KIAA1671: variants seen among roughly 807,000 people sequenced by gnomAD.
KIAA1671 encodes the protein KIAA1671, also known as uncharacterized protein KIAA1671.
A neutral mutation model predicts 131.2 loss-of-function variants in KIAA1671; 52 were observed. The observed-to-expected ratio is 0.40, with a 90% CI of 0.32 to 0.50. KIAA1671 has a LOEUF of 0.50. Ranked by LOEUF, KIAA1671 falls within the 20% of genes least tolerant of loss-of-function variation. The pLI, the probability that KIAA1671 is intolerant of heterozygous loss-of-function variation, is 0.73. For missense variants in KIAA1671, 2,360 were observed against 2,364.2 expected (o/e 1.00, Z 0.04); for synonymous variants, 1,003 against 961.6 (o/e 1.04, Z -0.80).
chr22:24,957,105 G>T (rs1921753132), intron 1 of KIAA1671, among the ~76,000 whole-genome samples: 1 of 152,142 alleles, frequency 6.6e-6, no homozygotes, highest in Non-Finnish European at 1.5e-5. Context: ...TGCTCTGTAA[G>T]GGGTGGTATG....
At chr22:25,056,813 A>G (rs1458363147) in intron 6 of KIAA1671, 2 of 127,744 alleles carry the variant, frequency 1.6e-5, no homozygotes, top group Non-Finnish European at 3.4e-5. Context: ...CTCTGTCTCA[A>G]AAAAAAAAAA....
intron 6 of KIAA1671, among the ~76,000 whole-genome samples, chr22:25,141,228 G>GTTTTTGT (rs1291667094): frequency 9.1e-4 from 139 of 152,074 alleles, no homozygotes; most frequent in African/African-American, 2.9e-3. Flanking sequence ...GCATGTTTTT[G>GTTTTTGT]TTTTTGTTTT....
At chr22:25,080,931 G>C (rs1929370355) in intron 6 of KIAA1671, among the ~76,000 whole-genome samples, 1 of 152,224 alleles carries the variant, frequency 6.6e-6, no homozygotes, top group Non-Finnish European at 1.5e-5. Context: ...GCTTTGTCCT[G>C]AGAGGCTGAA....
intron 6 of KIAA1671, among the ~76,000 whole-genome samples, chr22:25,110,747 C>T (rs755810200): frequency 2.0e-5 from 3 of 152,176 alleles, no homozygotes; most frequent in Non-Finnish European, 2.9e-5. Flanking sequence ...AGTCGTACCC[C>T]CAACCCCTAG....
rs1187005267 is a variant in KIAA1671 at position 25,170,812 on chromosome 22, C to T, written c.4531-8C>T. On this transcript the variant is annotated splice_region_variant and splice_polypyrimidine_tract_variant and intron_variant, in intron 6 of 12. Transcript: ENST00000358431. ...GGTAGAAATCTCACATCTGGCTTGT[C>T]TTTGCAGGACCAGCTGAAGCAGTGT... is the stretch of plus-strand genomic sequence containing the variant. 6.4e-7 allele frequency: 1 copy of T among 1,551,442 alleles called. No homozygotes were observed. Among genetic ancestry groups the T allele is most frequent in the Non-Finnish European group, 8.7e-7 (1 of 1,146,770 alleles).
At position 25,038,998 on chromosome 22, in the gene KIAA1671, C is replaced by T; in HGVS notation, c.1868C>T (p.Thr623Ile). 6.4e-7 allele frequency: 1 copy of T among 1,551,770 alleles called. No individual in the cohort carries two copies. Among genetic ancestry groups the T allele is most frequent in the Non-Finnish European group, 8.7e-7 (1 of 1,147,034 alleles). ...TVFEHHVERH[T>I]VADQSGRCLS... is the part of the protein sequence containing the mutation. ...TTTGAGCACCACGTGGAGAGACACA[C>T]AGTGGCTGACCAGTCGGGACGTTGT... Residue 623 changes from threonine (T) to isoleucine (I), a missense_variant, in exon 5 of 13, where the codon ACA (threonine) becomes ATA (isoleucine). Transcript: ENST00000358431.
At chr22:25,153,247 G>C (rs897744598) in intron 6 of KIAA1671, among the ~76,000 whole-genome samples, 8 of 152,142 alleles carry the variant, frequency 5.3e-5, no homozygotes, top group African/African-American at 1.9e-4. Context: ...CCCCGCTTGG[G>C]GATAATACCA....
In KIAA1671 at chr22:25,040,225, A is replaced by T. The variant is rs1055663972; in HGVS notation, c.3095A>T (p.Tyr1032Phe). 4 of 1,551,750 alleles carry T rather than the reference A, an allele frequency of 2.6e-6. No individual in the cohort carries two copies. The highest frequency in any genetic ancestry group is 2.7e-5 in the African/African-American group (2 of 73,172). Residue 1032 changes from tyrosine to phenylalanine, a missense_variant, in exon 5 of 13, where the codon TAT becomes TTT. This residue lies in a region of KIAA1671 where 1,161 missense variants were observed against 1,204.7 expected (regional missense o/e 0.96). Coordinates refer to ENST00000358431, the MANE Select transcript of KIAA1671 (RefSeq NM_001145206.2). The stretch of plus-strand genomic sequence containing the variant: ...AAGGCGACATTTTTTGCAGTCACCT[A>T]TCAGATTCCCAATACTCAAAAGGCA... ...EPKATFFAVT[Y>F]QIPNTQKAKG...
rs373220782 is a variant in KIAA1671 at position 25,105,249 on chromosome 22, T to C, written c.4530+55885T>C. 2.6e-5 allele frequency among the ~76,000 whole-genome samples: 4 copies of C among 152,186 alleles called. No homozygotes were observed. In the East Asian group the frequency reaches 5.8e-4, roughly 22 times the overall value. On this transcript the variant is annotated intron_variant, in intron 6 of 12. Coordinates refer to ENST00000358431, the MANE Select transcript of KIAA1671 (RefSeq NM_001145206.2). ...GTTGGCCATGCTGGTCTCAAACTCC[T>C]GACCTCAGAGAATCTACCCACCTGA...
chr22:25,132,532 T>G (rs1932490346), intron 6 of KIAA1671, among the ~76,000 whole-genome samples: 1 of 152,200 alleles, frequency 6.6e-6, no homozygotes, highest in Non-Finnish European at 1.5e-5. Flanking sequence ...TGTAATGTGT[T>G]TCAGGAGTCT....
At chr22:25,047,732 C>T (rs901554697) in intron 5 of KIAA1671, among the ~76,000 whole-genome samples, 17 of 152,308 alleles carry the variant, frequency 1.1e-4, no homozygotes, top group Middle Eastern at 3.4e-3. Flanking sequence ...GTCGGCCTCC[C>T]GAAGTGGTGG....
At chr22:25,093,797 TC>T (rs1930221624) in intron 6 of KIAA1671, among the ~76,000 whole-genome samples, 1 of 143,292 alleles carries the variant, frequency 7.0e-6, no homozygotes, top group African/African-American at 2.6e-5. Flanking sequence ...TCTCTCTCTC[TC>T]TCTCTCTCTC....
chr22:24,959,983 C>T (rs1008037379), intron 1 of KIAA1671, among the ~76,000 whole-genome samples: 7 of 151,624 alleles, frequency 4.6e-5, no homozygotes, highest in Non-Finnish European at 7.4e-5. Flanking sequence ...ACTAAAAATA[C>T]AAAAATTAGC....
intron 1 of KIAA1671, among the ~76,000 whole-genome samples, chr22:25,005,474 G>C (rs1043530601): frequency 1.3e-5 from 2 of 152,152 alleles, no homozygotes; most frequent in Non-Finnish European, 2.9e-5. Flanking sequence ...ATGGATTTGG[G>C]GGTTGAGGGG....
At chr22:24,974,969 C>T (rs1156856374) in intron 1 of KIAA1671, among the ~76,000 whole-genome samples, 2 of 152,094 alleles carry the variant, frequency 1.3e-5, no homozygotes, top group Non-Finnish European at 2.9e-5. Context: ...GCTGGGATTA[C>T]AGGCGTGAGC....
At chr22:25,058,847 G>A (rs931582563) in intron 6 of KIAA1671, 1 of 152,262 alleles carries the variant, frequency 6.6e-6, no homozygotes, top group African/African-American at 2.4e-5. Flanking sequence ...GGGCTGGGAT[G>A]ACTCGAAGGC....
chr22:25,123,522 C>T (rs556263416), intron 6 of KIAA1671, among the ~76,000 whole-genome samples: 1 of 152,146 alleles, frequency 6.6e-6, no homozygotes, highest in African/African-American at 2.4e-5. Flanking sequence ...ACTGCAGCTT[C>T]CCTCTTGATC....
chr22:25,074,660 GTC>G (rs1377923821), intron 6 of KIAA1671, among the ~76,000 whole-genome samples: 3 of 151,926 alleles, frequency 2.0e-5, no homozygotes, highest in East Asian at 3.9e-4. Context: ...AAGAAGAAAA[GTC>G]TCTGATAATC....
intron 6 of KIAA1671, among the ~76,000 whole-genome samples, chr22:25,127,531 C>A (rs1340210373): frequency 6.6e-6 from 1 of 152,190 alleles, no homozygotes; most frequent in East Asian, 1.9e-4. Context: ...CACTTGGCTT[C>A]CCTGCCCCCC....
Sources: gnomAD v4.1 joint callset for allele counts (sites outside exome capture counted in the v4.1 genomes callset) on GRCh38, gnomAD v4.1.1 for gene constraint, gnomAD v4.1.1 regional missense constraint, MANE v1.5 for transcripts, NCBI Gene and HGNC (gene_info 2026-07-23, HGNC 2026-07-21) for gene names.